The following STRN4 variants were observed in gnomAD, a reference collection of about 807,000 sequenced individuals.
STRN4 encodes striatin-4.
Under a neutral mutation model 77.9 loss-of-function variants are expected in STRN4, and 27 were observed. The ratio of observed to expected loss-of-function variants is 0.35; its 90% CI spans 0.26 to 0.48. The LOEUF is 0.48. Among genes scored for constraint, STRN4 ranks in the 20% least tolerant of loss-of-function variants. The probability of loss-of-function intolerance (pLI) is 0.99; values close to 1 mark genes in which losing one functional copy is unlikely to be tolerated. For synonymous variants in STRN4, 466 were observed against 443.1 expected (o/e 1.05, Z -0.65); for missense variants, 798 against 1,049.7 (o/e 0.76, Z 3.31).
chr19:46,725,979 G>A (rs1156975707), intron 9 of STRN4: 5 of 264,096 alleles, frequency 1.9e-5, no homozygotes, highest in East Asian at 8.0e-5. Flanking sequence ...GCAGGGCAAT[G>A]AATTAAAGAT....
chr19:46,729,586 G>T (rs937845092), intron 6 of STRN4, among the ~76,000 whole-genome samples: 1 of 152,190 alleles, frequency 6.6e-6, no homozygotes, highest in Non-Finnish European at 1.5e-5. Flanking sequence ...TAGACAGCAT[G>T]CCCAGAAAGG....
intron 9 of STRN4, among the ~76,000 whole-genome samples, chr19:46,726,864 C>T (rs920318575): frequency 1.3e-5 from 2 of 152,154 alleles, no homozygotes; most frequent in African/African-American, 4.8e-5. Flanking sequence ...TGCACTTCCC[C>T]AAGATGAAAT....
chr19:46,725,601 G>T lies in STRN4; in HGVS notation c.1296C>A (p.Phe432Leu). The change falls in exon 10 of 18, where the codon TTC becomes TTA. Residue 432 changes from phenylalanine (F) to leucine (L), a missense_variant. Around this residue, in one of 2 missense-constraint regions of STRN4, gnomAD observed 287 missense variants for 473.8 expected, o/e 0.61. Transcript: ENST00000263280. ...DAFKKTWNPK[F>L]TLRSHYDGIR... Reference sequence around the variant, plus strand: ...TGCCGTCGTAGTGCGAGCGCAGGGTGAACTTGGGGTTCCACGTCTTCTTAA... The same window carrying T: ...TGCCGTCGTAGTGCGAGCGCAGGGTTAACTTGGGGTTCCACGTCTTCTTAA... 1 of 1,614,208 alleles carries T rather than the reference G, an allele frequency of 6.2e-7. No homozygotes were observed.
chr19:46,722,756 T>C, intron 14 of STRN4, 54 bp downstream of exon 14: 1 of 1,600,888 alleles, frequency 6.2e-7, no homozygotes, highest in Non-Finnish European at 8.5e-7. Context: ...CAGGAGGAAG[T>C]GGGGCCCAGA....
At chr19:46,725,258 G>A (rs758769028) in intron 11 of STRN4, 74 bp downstream of exon 11, 73 of 1,604,414 alleles carry the variant, frequency 4.5e-5, no homozygotes, top group African/African-American at 2.9e-4. Context: ...GGCCTCCCGC[G>A]ATGGCAGTGA....
chr19:46,730,910 T>C (rs781734644), intron 5 of STRN4, 37 bp from the exon 6 acceptor site: 3 of 1,602,656 alleles, frequency 1.9e-6, no homozygotes, highest in Non-Finnish European at 2.5e-6. Context: ...GCATGAGTCC[T>C]GGCAGGTGTC....
intron 1 of STRN4, among the ~76,000 whole-genome samples, chr19:46,744,401 T>A (rs904205097): frequency 1.6e-4 from 24 of 152,182 alleles, no homozygotes; most frequent in African/African-American, 5.6e-4. Flanking sequence ...TGCTTTTTTT[T>A]GAGACAGGAT....
Position 46,741,726 on chromosome 19 carries a change from C to T in STRN4, c.283-2838G>A, listed in dbSNP as rs576047311. Among the ~76,000 whole-genome samples the T allele has an allele frequency of 2.1e-4, 32 of 152,326 alleles. No individual in the cohort carries two copies. Among genetic ancestry groups the T allele is most frequent in the African/African-American group, 5.8e-4 (24 of 41,578 alleles). ...GCCCCTCCAGCTATTCCCAGCAAGG[C>T]GACATCTAAAGGCTTCGGAGGAGTC... On this transcript the variant is annotated intron_variant, in intron 1 of 17. Coordinates refer to ENST00000263280, the MANE Select transcript of STRN4 (RefSeq NM_013403.3). The surrounding 1 kb of genome is among the most constrained non-coding windows in gnomAD (Gnocchi z 4.9).
intron 1 of STRN4, among the ~76,000 whole-genome samples, chr19:46,743,873 A>G (rs1269335723): frequency 6.7e-6 from 1 of 148,174 alleles, no homozygotes; most frequent in Non-Finnish European, 1.5e-5. Flanking sequence ...ACTGCACTCC[A>G]CCCTGGGTGA....
At chr19:46,729,392 T>G (rs945181147) in intron 6 of STRN4, among the ~76,000 whole-genome samples, 4 of 152,118 alleles carry the variant, frequency 2.6e-5, no homozygotes, top group Non-Finnish European at 5.9e-5. Flanking sequence ...TGTGAACTCC[T>G]CCAGGGCGTG....
At chr19:46,742,119 G>T (rs900481223) in intron 1 of STRN4, among the ~76,000 whole-genome samples, 1 of 152,142 alleles carries the variant, frequency 6.6e-6, no homozygotes, top group African/African-American at 2.4e-5. Context: ...ACAGCTCTGC[G>T]GTCCCCTGCA....
chr19:46,727,616 AATGACAGAGAGAGG>A, intron 8 of STRN4, 70 bp from the exon 9 acceptor site: 1 of 1,289,476 alleles, frequency 7.8e-7, no homozygotes, highest in Non-Finnish European at 1.1e-6. Flanking sequence ...GGAGAGAGAG[AATGACAGAGAGAGG>A]CAGAGAAAGA....
At chr19:46,724,120 T>C (rs2054045497) in intron 12 of STRN4, among the ~76,000 whole-genome samples, 1 of 151,994 alleles carries the variant, frequency 6.6e-6, no homozygotes, top group South Asian at 2.1e-4. Context: ...TGGTGGTGCG[T>C]GCCTGTAATC....
chr19:46,733,422 C>A lies in STRN4; in HGVS notation c.540-186G>T, dbSNP rs774561779. ...TATTTCCAGTGGAAGCCCTTGTACA[C>A]ACACACAATGCTATGTGTGAGGGTG... On this transcript the variant is annotated intron_variant, in intron 4 of 17. Transcript: ENST00000263280. The surrounding 1 kb of genome is among the most constrained non-coding windows in gnomAD (Gnocchi z 4.3). The A allele has an allele frequency of 1.4e-4, 87 of 614,158 alleles. No individual in the cohort carries two copies. The highest frequency in any genetic ancestry group is 2.4e-4 in the Non-Finnish European group (83 of 346,080). 38.0% of individuals were successfully genotyped at this position (614,158 alleles called of 1,614,324 possible). A position where few individuals can be genotyped will look rare whatever the true frequency, so the allele number is the denominator to read the frequency against.
rs1168626026 is a variant in STRN4 at position 46,720,691 on chromosome 19, C to T, written c.2173G>A (p.Glu725Lys). The change falls in exon 17 of 18, where the codon GAG becomes AAG. Residue 725 changes from glutamate (E) to lysine (K), a missense_variant. Transcript: ENST00000263280. ...CAGGCAACAGCGTGGATGGCCTCCT[C>T]GTGCTTCTTGCGGTGGGCCGTGATC... is the stretch of plus-strand genomic sequence containing the variant. ...QEITAHRKKH[E>K]EAIHAVACHP... 3.1e-6 allele frequency: 5 copies of T among 1,611,318 alleles called. No homozygotes were observed. The highest frequency in any genetic ancestry group is 1.7e-5 in the Admixed American group (1 of 59,692).
chr19:46,735,025 G>A (rs576082567), intron 4 of STRN4, among the ~76,000 whole-genome samples: 43 of 152,280 alleles, frequency 2.8e-4, no homozygotes, highest in African/African-American at 9.6e-4. Flanking sequence ...TATAAGCTGG[G>A]CTGGGCGCGG....
chr19:46,732,723 C>T, intron 5 of STRN4: 1 of 358,710 alleles, frequency 2.8e-6, no homozygotes, highest in South Asian at 3.6e-5. Flanking sequence ...GTGTGCTCCA[C>T]TCCCTGCTGG....
rs748447733 is a variant in STRN4 at position 46,730,793 on chromosome 19, T to C, written c.818A>G (p.Asp273Gly). 1 of 1,612,938 alleles carries C rather than the reference T, an allele frequency of 6.2e-7. No homozygotes were observed. The highest frequency in any genetic ancestry group is 1.3e-5 in the African/African-American group (1 of 74,938). ...CTCATCGTCCTCGTCGCTGTCTTCG[T>C]CCTCGCAGTTCTGCAGGAAGGGGAT... ...GQIPFLQNCE[D>G]EDSDEDDELD... Residue 273 changes from aspartate to glycine, a missense_variant, in exon 6 of 18, where the codon GAC becomes GGC. This residue lies in a region of STRN4 where 511 missense variants were observed against 575.9 expected (regional missense o/e 0.89). Coordinates refer to ENST00000263280, the MANE Select transcript of STRN4 (RefSeq NM_013403.3).
chr19:46,736,895 T>A lies in STRN4; in HGVS notation c.467A>T (p.Asn156Ile). Residue 156 changes from asparagine (N) to isoleucine (I), a missense_variant, in exon 4 of 18, where the codon AAT becomes ATT. By Grantham distance (149) the Asn-to-Ile change is moderately radical. Transcript: ENST00000263280. Reference protein sequence around the residue: ...KKADVSEQVSNGPVESVTLEN... With the variant: ...KKADVSEQVSIGPVESVTLEN... ...CAGGGTGACCGATTCCACGGGGCCA[T>A]TGGAGACTGGCGGGTGAGAGAACGG... 6.2e-7 allele frequency: 1 copy of A among 1,612,478 alleles called. No homozygotes were observed. Among genetic ancestry groups the A allele is most frequent in the Non-Finnish European group, 8.5e-7 (1 of 1,179,218 alleles).
Sources: gnomAD v4.1 joint callset for allele counts (sites outside exome capture counted in the v4.1 genomes callset) on GRCh38, gnomAD v4.1.1 for gene constraint, gnomAD v4.1.1 regional missense constraint, Gnocchi (gnomAD v3.1) non-coding constraint, MANE v1.5 for transcripts, NCBI Gene and HGNC (gene_info 2026-07-23, HGNC 2026-07-21) for gene names.